ERC2: variants seen among roughly 807,000 people sequenced by gnomAD.
ERC2 encodes ERC protein 2.
A neutral mutation model predicts 114.8 loss-of-function variants in ERC2; 42 were observed. That is an observed-to-expected ratio of 0.37 (90% CI 0.29 to 0.47). The LOEUF is 0.47. ERC2 is among the 20% of genes least tolerant of loss of function. ERC2 has a pLI of 0.99. For synonymous variants in ERC2, 454 were observed against 425.5 expected, an observed-to-expected ratio of 1.07 and a Z score of -0.82; for missense variants, 939 against 1,150.7, an observed-to-expected ratio of 0.82 and a Z score of 2.66.
At chr3:56,222,422 C>A (rs1311563197) in intron 3 of ERC2, among the ~76,000 whole-genome samples, 1 of 152,148 alleles carries the variant, frequency 6.6e-6, no homozygotes, top group Non-Finnish European at 1.5e-5. Context: ...GACACACCAC[C>A]ACCACCACCT....
intron 2 of ERC2, among the ~76,000 whole-genome samples, chr3:56,312,067 G>A (rs1375887674): frequency 6.6e-6 from 1 of 152,200 alleles, no homozygotes; most frequent in African/African-American, 2.4e-5. Context: ...CCAGGAGGAT[G>A]TGTATAGGAT....
intron 10 of ERC2, among the ~76,000 whole-genome samples, chr3:56,005,231 T>C (rs774853086): frequency 2.0e-5 from 3 of 152,048 alleles, no homozygotes; most frequent in Non-Finnish European, 4.4e-5. Flanking sequence ...ATAAATGAAA[T>C]AGGTCCTTTA....
intron 15 of ERC2, among the ~76,000 whole-genome samples, chr3:55,712,224 G>A (rs2148859499): frequency 6.6e-6 from 1 of 152,244 alleles, no homozygotes; most frequent in Non-Finnish European, 1.5e-5. Context: ...ATTAGTTGGG[G>A]CTGATTTCAG....
At chr3:55,994,128 T>G (rs1349872222) in intron 10 of ERC2, among the ~76,000 whole-genome samples, 1 of 152,210 alleles carries the variant, frequency 6.6e-6, no homozygotes, top group Non-Finnish European at 1.5e-5. Context: ...ACCATTCTTT[T>G]ACAGCAGTTA....
intron 17 of ERC2, among the ~76,000 whole-genome samples, chr3:55,617,083 A>G (rs554863085): frequency 6.6e-6 from 1 of 152,244 alleles, no homozygotes; most frequent in South Asian, 2.1e-4. Flanking sequence ...TCCTTTACAA[A>G]TTTTGCCCAA....
intron 5 of ERC2, 44 bp from the exon 6 acceptor site, chr3:56,139,720 C>T (rs1375854752): frequency 6.5e-7 from 1 of 1,544,054 alleles, no homozygotes; most frequent in Non-Finnish European, 8.8e-7. Flanking sequence ...AAATTGCTGC[C>T]CCTACACTTT....
intron 7 of ERC2, among the ~76,000 whole-genome samples, chr3:56,021,033 A>G (rs1015587463): frequency 6.6e-6 from 1 of 152,136 alleles, no homozygotes; most frequent in Admixed American, 6.6e-5. Context: ...CAGAAGAGCC[A>G]ATGATACTGC....
intron 2 of ERC2, among the ~76,000 whole-genome samples, chr3:56,397,712 A>C: frequency 6.6e-6 from 1 of 152,240 alleles, no homozygotes; most frequent in East Asian, 1.9e-4. Context: ...CAGCGGCTTA[A>C]ACAAAATTGT....
intron 14 of ERC2, among the ~76,000 whole-genome samples, chr3:55,783,006 G>A (rs527610351): frequency 1.3e-5 from 2 of 152,308 alleles, no homozygotes; most frequent in East Asian, 1.9e-4. Context: ...CTCCAGAGCC[G>A]GAAACAGCTG....
At chr3:56,424,769 G>A (rs1412128772) in intron 2 of ERC2, among the ~76,000 whole-genome samples, 1 of 152,138 alleles carries the variant, frequency 6.6e-6, no homozygotes, top group Non-Finnish European at 1.5e-5. Context: ...AAGAGCTAAG[G>A]AAGACTGTTT....
chr3:56,232,692 A>T (rs549115832), intron 3 of ERC2, among the ~76,000 whole-genome samples: 1 of 152,328 alleles, frequency 6.6e-6, no homozygotes, highest in South Asian at 2.1e-4. Context: ...ATCCTCTATC[A>T]CACATCATCA....
chr3:56,428,880 C>T (rs1553627380), intron 2 of ERC2, among the ~76,000 whole-genome samples: 1 of 152,164 alleles, frequency 6.6e-6, no homozygotes, highest in Non-Finnish European at 1.5e-5. Context: ...TCTGCACACG[C>T]AAGATGGGTA....
chr3:55,895,015 A>G (rs2063777607), intron 13 of ERC2, among the ~76,000 whole-genome samples: 1 of 152,202 alleles, frequency 6.6e-6, no homozygotes. Flanking sequence ...TCCTCTGCTT[A>G]TCAAAACTGC....
chr3:56,273,853 G>A (rs542437063), intron 3 of ERC2, among the ~76,000 whole-genome samples: 3 of 152,164 alleles, frequency 2.0e-5, no homozygotes, highest in Non-Finnish European at 4.4e-5. Context: ...TCTGACAAGC[G>A]TATAAAATAT....
At chr3:56,201,690 C>G (rs749414828) in intron 3 of ERC2, among the ~76,000 whole-genome samples, 5 of 152,158 alleles carry the variant, frequency 3.3e-5, no homozygotes, top group Admixed American at 1.3e-4. Flanking sequence ...CAGTAGAAAC[C>G]CAAACTGTTA....
intron 7 of ERC2, chr3:56,072,153 G>T: frequency 6.3e-6 from 1 of 158,130 alleles, no homozygotes. Context: ...TTGATGGCCA[G>T]GGTTGATTCG....
intron 16 of ERC2, among the ~76,000 whole-genome samples, chr3:55,689,257 A>AT (rs10598916): frequency 6.6e-6 from 1 of 151,458 alleles, no homozygotes; most frequent in Non-Finnish European, 1.5e-5. Flanking sequence ...TGCTTCCTCA[A>AT]TTTTTTTTTT....
At chr3:55,536,155 A>T (rs1448796741) in intron 17 of ERC2, among the ~76,000 whole-genome samples, 3 of 152,208 alleles carry the variant, frequency 2.0e-5, no homozygotes, top group Non-Finnish European at 4.4e-5. Context: ...AATACCCACA[A>T]GACCAAGTCA....
chr3:56,154,884 A>G, intron 4 of ERC2, among the ~76,000 whole-genome samples: 1 of 152,168 alleles, frequency 6.6e-6, no homozygotes, highest in East Asian at 1.9e-4. Context: ...CAATGTAGTA[A>G]GTCCCTACTA....
Sources: gnomAD v4.1 joint callset for allele counts (sites outside exome capture counted in the v4.1 genomes callset) on GRCh38, gnomAD v4.1.1 for gene constraint, MANE v1.5 for transcripts, NCBI Gene and HGNC (gene_info 2026-07-23, HGNC 2026-07-21) for gene names.